Variants in RIMS1 observed in about 807,000 individuals in gnomAD.
The protein encoded by RIMS1 is regulating synaptic membrane exocytosis 1.
Under a neutral mutation model 214.1 loss-of-function variants are expected in RIMS1, and 83 were observed. That is an observed-to-expected ratio of 0.39 (90% CI 0.32 to 0.47). RIMS1 has a LOEUF of 0.47. Ranked by LOEUF, RIMS1 falls within the 20% of genes least tolerant of loss-of-function variation. RIMS1 has a pLI of 0.99. For synonymous variants in RIMS1, 793 were observed against 786.8 expected, an observed-to-expected ratio of 1.01 and a Z score of -0.13; for missense variants, 2,050 against 2,161.8, an observed-to-expected ratio of 0.95 and a Z score of 1.03.
intron 29 of RIMS1, among the ~76,000 whole-genome samples, chr6:72,374,701 C>A (rs943379452): frequency 6.6e-6 from 1 of 151,982 alleles, no homozygotes; most frequent in South Asian, 2.1e-4. Context: ...TTTCCATGGA[C>A]CAGGGGGTAA....
chr6:72,212,037 T>C (rs1186950318), intron 6 of RIMS1, among the ~76,000 whole-genome samples: 1 of 152,134 alleles, frequency 6.6e-6, no homozygotes, highest in Non-Finnish European at 1.5e-5. Flanking sequence ...GTATGAAATA[T>C]AGGCAAATGC....
intron 1 of RIMS1, among the ~76,000 whole-genome samples, chr6:71,964,378 T>C (rs1279648970): frequency 7.2e-5 from 11 of 152,112 alleles, no homozygotes; most frequent in Non-Finnish European, 1.5e-5. Context: ...AAAGAGTCAC[T>C]CTGGCTGTTG....
chr6:71,918,860 G>A (rs913784287), intron 1 of RIMS1, among the ~76,000 whole-genome samples: 2 of 152,046 alleles, frequency 1.3e-5, no homozygotes, highest in African/African-American at 4.8e-5. Context: ...AGTGAAAGGC[G>A]TTTGCTTGGC....
chr6:71,909,989 T>G (rs1031623353), intron 1 of RIMS1, among the ~76,000 whole-genome samples: 1 of 152,128 alleles, frequency 6.6e-6, no homozygotes, highest in African/African-American at 2.4e-5. Flanking sequence ...TTGCTGTAAG[T>G]TAAATGGTCA....
chr6:71,942,653 A>C (rs985205005), intron 1 of RIMS1, among the ~76,000 whole-genome samples: 1 of 152,150 alleles, frequency 6.6e-6, no homozygotes, highest in Non-Finnish European at 1.5e-5. Flanking sequence ...TTAAAAATGT[A>C]TAACCTGTTA....
chr6:72,194,550 A>G (rs886687492), intron 6 of RIMS1, among the ~76,000 whole-genome samples: 5 of 152,202 alleles, frequency 3.3e-5, no homozygotes, highest in African/African-American at 4.8e-5. Flanking sequence ...AAAATAAACA[A>G]TAAGGAATAA....
chr6:72,219,662 G>C (rs1420566861), intron 6 of RIMS1, among the ~76,000 whole-genome samples: 2 of 105,416 alleles, frequency 1.9e-5, no homozygotes, highest in Non-Finnish European at 1.9e-5. Context: ...CTTATAAATA[G>C]CTTTGAGGGT....
intron 29 of RIMS1, among the ~76,000 whole-genome samples, chr6:72,338,188 C>G (rs1045217947): frequency 1.7e-4 from 26 of 151,732 alleles, no homozygotes; most frequent in African/African-American, 2.4e-4. Flanking sequence ...AATGGTTGAA[C>G]TAGTTTACAG....
At chr6:72,035,575 A>G (rs1819399235) in intron 2 of RIMS1, among the ~76,000 whole-genome samples, 1 of 152,166 alleles carries the variant, frequency 6.6e-6, no homozygotes, top group African/African-American at 2.4e-5. Flanking sequence ...TTTTAAGATT[A>G]ATTAGAAAAA....
At chr6:72,343,466 CCTTT>C (rs2097160434) in intron 29 of RIMS1, among the ~76,000 whole-genome samples, 1 of 144,110 alleles carries the variant, frequency 6.9e-6, no homozygotes, top group Non-Finnish European at 1.5e-5. Flanking sequence ...AAATCTTACT[CCTTT>C]CTTTTCTTTC....
intron 26 of RIMS1, among the ~76,000 whole-genome samples, chr6:72,300,756 T>G (rs2094527282): frequency 6.6e-6 from 1 of 151,800 alleles, no homozygotes; most frequent in African/African-American, 2.4e-5. Context: ...TACTTGCCAA[T>G]GACTAGTATT....
At chr6:71,939,143 A>G (rs1209824630) in intron 1 of RIMS1, among the ~76,000 whole-genome samples, 1 of 152,240 alleles carries the variant, frequency 6.6e-6, no homozygotes, top group Non-Finnish European at 1.5e-5. Flanking sequence ...ATTCTTTGCA[A>G]CTATATAACA....
chr6:72,124,965 T>G (rs2039203149), intron 4 of RIMS1, among the ~76,000 whole-genome samples: 1 of 152,244 alleles, frequency 6.6e-6, no homozygotes, highest in Non-Finnish European at 1.5e-5. Context: ...GTCGACCTTC[T>G]GAAGCCTACT....
At chr6:71,977,329 G>A (rs1483329825) in intron 2 of RIMS1, among the ~76,000 whole-genome samples, 4 of 152,138 alleles carry the variant, frequency 2.6e-5, no homozygotes, top group African/African-American at 9.7e-5. Flanking sequence ...TCAACAGGTG[G>A]AAGAGTATGC....
At position 72,399,074 on chromosome 6, in the gene RIMS1, C is replaced by A; in HGVS notation, c.4840C>A (p.Pro1614Thr). Residue 1614 changes from proline (P) to threonine (T), a missense_variant, in exon 33 of 34, where the codon CCA becomes ACA. By Grantham distance (38) the Pro-to-Thr change is conservative. Coordinates refer to ENST00000521978, the MANE Select transcript of RIMS1 (RefSeq NM_014989.7). ...YQQSLVFDES[P>T]QGKVLQVIVW... ...GCAGTCTCTGGTTTTTGATGAAAGT[C>A]CACAGGGTAAAGTTCTTCAGGTCAG... 1 of 1,607,822 alleles carries A rather than the reference C, an allele frequency of 6.2e-7. No homozygotes were observed. Among genetic ancestry groups the A allele is most frequent in the Non-Finnish European group, 8.5e-7 (1 of 1,176,668 alleles).
chr6:72,323,493 A>G (rs1020602479), intron 28 of RIMS1, among the ~76,000 whole-genome samples: 3 of 152,002 alleles, frequency 2.0e-5, no homozygotes, highest in Non-Finnish European at 2.9e-5. Context: ...TATGAGAAAC[A>G]GTAAAACCAA....
At chr6:72,351,685 A>G (rs2097452938) in intron 29 of RIMS1, among the ~76,000 whole-genome samples, 1 of 152,174 alleles carries the variant, frequency 6.6e-6, no homozygotes, top group African/African-American at 2.4e-5. Context: ...TAACCACTAC[A>G]CCACATGCCT....
intron 2 of RIMS1, among the ~76,000 whole-genome samples, chr6:72,038,422 G>A (rs1820541109): frequency 6.6e-6 from 1 of 151,922 alleles, no homozygotes; most frequent in Non-Finnish European, 1.5e-5. Flanking sequence ...TCAGTGCAAT[G>A]TTTAAAGATA....
rs540043226 is a variant in RIMS1 at position 72,240,092 on chromosome 6, C to G, written c.1957+2170C>G. The stretch of plus-strand genomic sequence containing the variant: ...TATTTTATTAGAGTTGTTTCTTTAT[C>G]ATTTCTTCATGACCAAATTTAAAGA... On this transcript the variant is annotated intron_variant, in intron 9 of 33. Transcript: ENST00000521978. Among the ~76,000 whole-genome samples, 3 of 152,058 alleles carry G rather than the reference C, an allele frequency of 2.0e-5. No individual in the cohort carries two copies. The East Asian group carries it at 5.8e-4, about 29-fold the overall frequency.
Sources: gnomAD v4.1 joint callset for allele counts (sites outside exome capture counted in the v4.1 genomes callset) on GRCh38, gnomAD v4.1.1 for gene constraint, MANE v1.5 for transcripts, NCBI Gene and HGNC (gene_info 2026-07-23, HGNC 2026-07-21) for gene names.